Variants in ASMTL observed in about 807,000 individuals in gnomAD.
ASMTL encodes the protein probable bifunctional dTTP/UTP pyrophosphatase/methyltransferase protein.
ASMTL carries 57 observed loss-of-function variants against 60.3 expected under a neutral mutation model. The ratio of observed to expected loss-of-function variants is 0.95; its 90% CI spans 0.76 to 1.18. The LOEUF is 1.18. ASMTL is among the 50% of genes most tolerant of loss of function. The pLI, the probability that ASMTL is intolerant of heterozygous loss-of-function variation, is 0.00. For missense variants in ASMTL, 981 were observed against 852.6 expected (o/e 1.15, Z -1.88); for synonymous variants, 419 against 373.0 (o/e 1.12, Z -1.42).
At position 1,413,189 on chromosome X, in the gene ASMTL, C is replaced by A. The variant is rs140998589; in HGVS notation, c.1523-335G>T. On this transcript the variant is annotated intron_variant, in intron 11 of 12. Transcript: ENST00000381317. ...ACCAGCCTGGGCAACACGGCGAAAC[C>A]CCATCTCTACTAAAAATGCAAATTA... The A allele has an allele frequency of 1.9e-3, 522 of 277,148 alleles. 3 individuals carry two copies. Among genetic ancestry groups the A allele is most frequent in the African/African-American group, 0.01 (480 of 47,118 alleles). 17.2% of individuals were successfully genotyped at this position (277,148 alleles called of 1,614,324 possible). A position where few individuals can be genotyped will look rare whatever the true frequency, so the allele number is the denominator to read the frequency against.
In ASMTL at chrX:1,418,261, G is replaced by A. The variant is rs184570478; in HGVS notation, c.1379-145C>T. The A allele has an allele frequency of 1.1e-3, 979 of 893,136 alleles. 8 individuals carry two copies. In the African/African-American group the frequency reaches 0.014, roughly 13 times the overall value. 55.3% of individuals were successfully genotyped at this position (893,136 alleles called of 1,614,324 possible). On this transcript the variant is annotated intron_variant, in intron 10 of 12. Coordinates refer to ENST00000381317, the MANE Select transcript of ASMTL (RefSeq NM_004192.4). ...AGGGAAAGCCAGTGGTGGGGAGCTCGCTGGTATCCCAGACAAGACTGTACA... is the reference window on the plus strand; with the variant it reads ...AGGGAAAGCCAGTGGTGGGGAGCTCACTGGTATCCCAGACAAGACTGTACA...
intron 11 of ASMTL, chrX:1,413,827 T>C (rs1460514052): frequency 6.7e-6 from 1 of 150,332 alleles, no homozygotes; most frequent in Non-Finnish European, 1.5e-5. Context: ...ACTGGAGTGA[T>C]GCGGCCACAA....
intron 12 of ASMTL, among the ~76,000 whole-genome samples, chrX:1,410,356 T>C (rs2089963739): frequency 1.3e-5 from 2 of 151,556 alleles, no homozygotes; most frequent in Non-Finnish European, 2.9e-5. Context: ...CAGTGAACTA[T>C]GATGACAACA....
intron 1 of ASMTL, among the ~76,000 whole-genome samples, chrX:1,447,979 ACCG>A: frequency 6.7e-6 from 1 of 149,280 alleles, no homozygotes. Context: ...TTGGACACAC[ACCG>A]CCATCTTGGA....
chrX:1,413,657 A>G (rs1342813663), intron 11 of ASMTL: 2 of 152,320 alleles, frequency 1.3e-5, no homozygotes, highest in Non-Finnish European at 1.5e-5. Flanking sequence ...ATGGGACCTT[A>G]TCTGGAAATA....
chrX:1,434,261 G>A (rs2090898786), intron 5 of ASMTL, among the ~76,000 whole-genome samples: 2 of 152,066 alleles, frequency 1.3e-5, no homozygotes, highest in South Asian at 2.1e-4. Flanking sequence ...AGGCTGAGAT[G>A]GGAGGATTTC....
chrX:1,452,388 C>T (rs1233626092), intron 1 of ASMTL, among the ~76,000 whole-genome samples: 1 of 150,372 alleles, frequency 6.7e-6, no homozygotes, highest in Admixed American at 6.6e-5. Flanking sequence ...CATCCCCATC[C>T]ATGGGGCTCC....
At chrX:1,412,041 C>A (rs1258704228) in intron 12 of ASMTL, among the ~76,000 whole-genome samples, 3 of 146,588 alleles carry the variant, frequency 2.0e-5, no homozygotes, top group South Asian at 2.2e-4. Context: ...GGTCTCAAAC[C>A]CCCGACCTCA....
chrX:1,424,401 CGTCT>C (rs1472728293), intron 8 of ASMTL, among the ~76,000 whole-genome samples: 21 of 150,178 alleles, frequency 1.4e-4, no homozygotes, highest in East Asian at 4.0e-4. Flanking sequence ...CCCACCCATC[CGTCT>C]ATTCACCCAC....
At chrX:1,453,468 G>A (rs1164571433), upstream of ASMTL, 2 of 159,474 alleles carry the variant, frequency 1.3e-5, no homozygotes, top group Non-Finnish European at 1.4e-5. Flanking sequence ...GCGGCGCCAA[G>A]ACCTGCAATG....
chrX:1,405,381 T>TAGAC (rs200354840), intron 12 of ASMTL, among the ~76,000 whole-genome samples: 23,504 of 149,604 alleles, frequency 0.16, 2,050 homozygotes, highest in African/African-American at 0.23. Flanking sequence ...GATGGGTGAA[T>TAGAC]AGGTAGGTAG....
At chrX:1,433,674 T>C (rs1185596407) in intron 5 of ASMTL, among the ~76,000 whole-genome samples, 1 of 151,284 alleles carries the variant, frequency 6.6e-6, no homozygotes, top group African/African-American at 2.4e-5. Context: ...AGCGAGACTC[T>C]GTCACAAAAA....
chrX:1,442,812 C>G lies in ASMTL; in HGVS notation c.94-495G>C, dbSNP rs187499690. 6.3e-3 allele frequency among the ~76,000 whole-genome samples: 955 copies of G among 152,252 alleles called. 4 individuals carry two copies. Among genetic ancestry groups the G allele is most frequent in the Non-Finnish European group, 0.011 (733 of 68,002 alleles). ...TCAATCCCTGGTACCCAGGAAGAGA[C>G]AACACCGCCCCTGGGGAGGCCTGGC... On this transcript the variant is annotated intron_variant, in intron 1 of 12. Transcript: ENST00000381317.
intron 12 of ASMTL, among the ~76,000 whole-genome samples, chrX:1,406,011 TGATG>T (rs1266643212): frequency 6.7e-5 from 9 of 133,740 alleles, no homozygotes; most frequent in Admixed American, 1.5e-4. Context: ...TGTATGGATG[TGATG>T]GATGGGTGAA....
At chrX:1,417,312 C>G (rs1406495671) in intron 11 of ASMTL, among the ~76,000 whole-genome samples, 31 of 151,878 alleles carry the variant, frequency 2.0e-4, no homozygotes, top group Non-Finnish European at 3.8e-4. Flanking sequence ...CACAGACGCA[C>G]ATACACAGAC....
chrX:1,444,729 C>T (rs1411150627), intron 1 of ASMTL, among the ~76,000 whole-genome samples: 1 of 151,982 alleles, frequency 6.6e-6, no homozygotes, highest in Non-Finnish European at 1.5e-5. Flanking sequence ...CTCTTGCAAC[C>T]CAGGAAGCTG....
chrX:1,453,056 G>T (rs1416089630), upstream of ASMTL: 2 of 519,464 alleles, frequency 3.9e-6, no homozygotes, highest in Non-Finnish European at 6.4e-6. Context: ...GTCAGGCCTC[G>T]CCCAGGCCAC....
intron 12 of ASMTL, among the ~76,000 whole-genome samples, chrX:1,407,433 G>C (rs1226832660): frequency 6.7e-6 from 1 of 149,016 alleles, no homozygotes; most frequent in Non-Finnish European, 1.5e-5. Flanking sequence ...GGATGGATGG[G>C]TGAATAGATG....
chrX:1,404,792 GATGT>G (rs2089746397), intron 12 of ASMTL, among the ~76,000 whole-genome samples: 1 of 151,770 alleles, frequency 6.6e-6, no homozygotes, highest in South Asian at 2.1e-4. Context: ...TGGATATATG[GATGT>G]ATGGATGAGA....
Sources: allele counts gnomAD v4.1 joint callset (sites outside exome capture counted in the v4.1 genomes callset), GRCh38; gene constraint gnomAD v4.1.1; transcripts MANE v1.5; gene names NCBI Gene and HGNC (gene_info 2026-07-23, HGNC 2026-07-21).